DEPDC4: variants seen among roughly 807,000 people sequenced by gnomAD.
DEPDC4 encodes the protein DEP domain containing 4.
DEPDC4 carries 52 observed loss-of-function variants against 52.0 expected under a neutral mutation model. The ratio of observed to expected loss-of-function variants is 1.00; its 90% CI spans 0.80 to 1.26. The LOEUF (loss-of-function observed/expected upper bound fraction) is 1.26. Ranked by LOEUF, DEPDC4 falls within the 50% of genes most tolerant of loss-of-function variation. DEPDC4 has a pLI of 0.00. For missense variants in DEPDC4, 530 were observed against 546.9 expected (o/e 0.97, Z 0.31); for synonymous variants, 201 against 196.8 (o/e 1.02, Z -0.18).
the DEPDC4 span, among the ~76,000 whole-genome samples, chr12:100,277,526 G>A: frequency 3.3e-5 from 5 of 152,130 alleles, no homozygotes; most frequent in Admixed American, 6.5e-5. Context: ...TTGTCTTCAA[G>A]CTTATTCTGT....
chr12:100,269,388 T>G (rs944035072), upstream of DEPDC4, among the ~76,000 whole-genome samples: 1 of 152,096 alleles, frequency 6.6e-6, no homozygotes, highest in African/African-American at 2.4e-5. Flanking sequence ...CTTTCCTGAT[T>G]AGAATACATT....
upstream of DEPDC4, among the ~76,000 whole-genome samples, chr12:100,268,243 A>G (rs1247414905): frequency 6.6e-6 from 1 of 152,232 alleles, no homozygotes; most frequent in African/African-American, 2.4e-5. Flanking sequence ...AACATTGGAT[A>G]CTATGAGTGA....
At chr12:100,278,618 T>C in the DEPDC4 span, among the ~76,000 whole-genome samples, 1 of 150,054 alleles carries the variant, frequency 6.7e-6, no homozygotes, top group Non-Finnish European at 1.5e-5. Flanking sequence ...TTCTGCCAAA[T>C]TTGGGGAAAT....
chr12:100,267,188 C>A (rs1695106350), upstream of DEPDC4: 2 of 1,180,696 alleles, frequency 1.7e-6, no homozygotes, highest in Admixed American at 2.3e-5. Context: ...GTCTTTTTCC[C>A]CCTCCCTTAC....
At chr12:100,235,997 C>A (rs963641509), downstream of DEPDC4, among the ~76,000 whole-genome samples, 1 of 152,250 alleles carries the variant, frequency 6.6e-6, no homozygotes, top group Non-Finnish European at 1.5e-5. Flanking sequence ...CCAATCCCAT[C>A]CAGGTTGCTG....
At chr12:100,269,180 G>A (rs1408985305), upstream of DEPDC4, among the ~76,000 whole-genome samples, 1 of 152,060 alleles carries the variant, frequency 6.6e-6, no homozygotes, top group Non-Finnish European at 1.5e-5. Flanking sequence ...TACAAGCCCT[G>A]CATAGTCGGT....
intron 9 of DEPDC4, among the ~76,000 whole-genome samples, chr12:100,234,521 T>TA (rs1358345752): frequency 6.6e-6 from 1 of 152,186 alleles, no homozygotes; most frequent in East Asian, 1.9e-4. Context: ...GGCTTCTTGC[T>TA]AAACTGACAC....
intron 1 of DEPDC4, among the ~76,000 whole-genome samples, chr12:100,265,861 A>C (rs958125536): frequency 6.6e-6 from 1 of 152,350 alleles, no homozygotes; most frequent in Non-Finnish European, 1.5e-5. Context: ...ATAAACTTCA[A>C]ACGAGTAACC....
chr12:100,246,529 T>C (rs75122849), intron 8 of DEPDC4, among the ~76,000 whole-genome samples: 3 of 152,204 alleles, frequency 2.0e-5, no homozygotes, highest in African/African-American at 4.8e-5. Flanking sequence ...GTGGTGCTTA[T>C]ACAAGTTCTG....
chr12:100,266,492 G>C (rs1435074214), intron 1 of DEPDC4, among the ~76,000 whole-genome samples: 1 of 152,088 alleles, frequency 6.6e-6, no homozygotes, highest in African/African-American at 2.4e-5. Flanking sequence ...AAACAAGTAG[G>C]CTAGATTAAA....
At chr12:100,245,120 T>A (rs1482194899) in intron 8 of DEPDC4, among the ~76,000 whole-genome samples, 4 of 151,912 alleles carry the variant, frequency 2.6e-5, no homozygotes, top group African/African-American at 9.7e-5. Flanking sequence ...TCCGCCTGCC[T>A]TGGCCTCCCA....
chr12:100,258,742 GCTAGAATACAGAAAATTTCA>G (rs879566244), intron 3 of DEPDC4, among the ~76,000 whole-genome samples: 3,469 of 151,950 alleles, frequency 0.023, 91 homozygotes, highest in African/African-American at 0.066. Flanking sequence ...CAAATAAGAG[GCTAGAATACAGAAAATTTCA>G]GAAATACAAA....
the DEPDC4 span, among the ~76,000 whole-genome samples, chr12:100,281,800 C>CT: frequency 1.3e-5 from 2 of 148,458 alleles, no homozygotes; most frequent in South Asian, 2.1e-4. Flanking sequence ...TGCCACTGCA[C>CT]TCCAGCCTGG....
chr12:100,275,099 T>G, the DEPDC4 span, among the ~76,000 whole-genome samples: 1 of 152,240 alleles, frequency 6.6e-6, no homozygotes, highest in Non-Finnish European at 1.5e-5. Flanking sequence ...ATTGTATAGA[T>G]CTTGCATAGC....
intron 1 of DEPDC4, 84 bp downstream of exon 1, chr12:100,266,836 T>A: frequency 1.3e-6 from 2 of 1,501,296 alleles, no homozygotes; most frequent in Non-Finnish European, 1.8e-6. Context: ...CCTGGACCAA[T>A]GAGGAGCAGA....
chr12:100,268,254 G>A (rs1159829036), upstream of DEPDC4, among the ~76,000 whole-genome samples: 1 of 152,166 alleles, frequency 6.6e-6, no homozygotes, highest in African/African-American at 2.4e-5. Context: ...CTATGAGTGA[G>A]TTTTCTAAGT....
the DEPDC4 span, among the ~76,000 whole-genome samples, chr12:100,274,033 A>C: frequency 6.6e-6 from 1 of 152,210 alleles, no homozygotes; most frequent in Non-Finnish European, 1.5e-5. Context: ...TAGCCAGTAA[A>C]TGTTTTCATA....
In DEPDC4 at chr12:100,241,530, C is replaced by G; in HGVS notation, c.*362G>C. The G allele has an allele frequency of 1.9e-6, 1 of 517,922 alleles. No homozygotes were observed. Among genetic ancestry groups the G allele is most frequent in the Non-Finnish European group, 2.7e-6 (1 of 372,448 alleles). 32.1% of individuals were successfully genotyped at this position (517,922 alleles called of 1,614,324 possible). A position where few individuals can be genotyped will look rare whatever the true frequency, so the allele number is the denominator to read the frequency against. ...CTGGGCAACATAATAGGACCCCTGT[C>G]TCTACAAAATAAAAATAAAAAATAA... On this transcript the variant is annotated 3_prime_UTR_variant, in exon 10 of 10. Coordinates refer to ENST00000550587, the MANE Select transcript of DEPDC4 (RefSeq NM_001364818.2).
rs1278368175 is a variant in DEPDC4, at chr12:100,263,650, T to G, written c.401A>C (p.Glu134Ala). The change falls in exon 2 of 10, where the codon GAA becomes GCA. Residue 134 changes from glutamate (E) to alanine (A), a missense_variant. Glu to Ala is a moderately radical substitution (Grantham distance 107). Coordinates refer to ENST00000550587, the MANE Select transcript of DEPDC4 (RefSeq NM_001364818.2). ...GAAAAGCTTCTTCATTCCTACTGGT[T>G]CAAATACTTTGTGATTCATTAGAAC... ...CQVLMNHKVF[E>A]PVGMKKLFKK... The G allele has an allele frequency of 6.2e-7, 1 of 1,614,116 alleles. No homozygotes were observed. The highest frequency in any genetic ancestry group is 2.2e-5 in the East Asian group (1 of 44,868).
Sources: allele counts gnomAD v4.1 joint callset (sites outside exome capture counted in the v4.1 genomes callset), GRCh38; gene constraint gnomAD v4.1.1; transcripts MANE v1.5; gene names NCBI Gene and HGNC (gene_info 2026-07-23, HGNC 2026-07-21).